Variants in MEIS1 observed in about 807,000 individuals in gnomAD.
The protein encoded by MEIS1 is Meis homeobox 1.
Under a neutral mutation model 50.8 loss-of-function variants are expected in MEIS1, and 5 were observed. The ratio of observed to expected loss-of-function variants is 0.10; its 90% CI spans 0.05 to 0.21. The LOEUF (loss-of-function observed/expected upper bound fraction) is 0.21. Among genes scored for constraint, MEIS1 ranks in the 10% least tolerant of loss-of-function variants. The pLI is 1.00. For missense variants in MEIS1, 318 were observed against 517.3 expected (o/e 0.61, Z 3.74); for synonymous variants, 176 against 179.3 (o/e 0.98, Z 0.15).
chr2:66,499,458 G>C (rs1246429841), intron 7 of MEIS1, among the ~76,000 whole-genome samples: 1 of 151,878 alleles, frequency 6.6e-6, no homozygotes, highest in Non-Finnish European at 1.5e-5. Flanking sequence ...TCTATCATTA[G>C]CTCTCAGGCT....
At chr2:66,523,240 A>G (rs181633812) in intron 8 of MEIS1, among the ~76,000 whole-genome samples, 2 of 152,364 alleles carry the variant, frequency 1.3e-5, no homozygotes, top group East Asian at 1.9e-4. Flanking sequence ...AGAAAAATCA[A>G]TAGGCCAGCA....
chr2:66,567,431 T>C, intron 9 of MEIS1, 22 bp from the exon 10 acceptor site: 1 of 1,612,076 alleles, frequency 6.2e-7, no homozygotes, highest in Non-Finnish European at 8.5e-7. Flanking sequence ...AATAACGATT[T>C]GTTTCACTTT....
intron 7 of MEIS1, among the ~76,000 whole-genome samples, chr2:66,473,397 A>AAAAAAATATATATATATATATAT: frequency 9.3e-6 from 1 of 107,612 alleles, no homozygotes; most frequent in African/African-American, 5.8e-5. Context: ...AAAAAAAAAA[A>AAAAAAATATATATATATATATAT]ATATATATAT....
chr2:66,482,742 C>G (rs1673047622), intron 7 of MEIS1, among the ~76,000 whole-genome samples: 1 of 152,192 alleles, frequency 6.6e-6, no homozygotes, highest in African/African-American at 2.4e-5. Context: ...GTTTGTTTCT[C>G]CCTTTACCCC....
At position 66,439,398 on chromosome 2, in the gene MEIS1, T is replaced by A. The variant is rs1283522907; in HGVS notation, c.240-445T>A. 4.0e-6 allele frequency: 5 copies of A among 1,254,734 alleles called. No individual in the cohort carries two copies. In the East Asian group the frequency reaches 1.6e-4, roughly 39 times the overall value. 77.7% of individuals were successfully genotyped at this position (1,254,734 alleles called of 1,614,324 possible). ...GCCTGCCACCGAGATCCCCCGAGCC[T>A]GGGCTTCGCGCGGCCGCCTAGGAGG... On this transcript the variant is annotated intron_variant, in intron 2 of 12. Transcript: ENST00000272369.
chr2:66,460,823 T>C (rs148032781), intron 6 of MEIS1, among the ~76,000 whole-genome samples: 1 of 152,284 alleles, frequency 6.6e-6, no homozygotes, highest in Non-Finnish European at 1.5e-5. Context: ...TTCTCAAATT[T>C]TGAGAGCACT....
intron 8 of MEIS1, among the ~76,000 whole-genome samples, chr2:66,526,917 A>C (rs1674265446): frequency 6.6e-6 from 1 of 152,124 alleles, no homozygotes; most frequent in Non-Finnish European, 1.5e-5. Context: ...CCTTGAAGTG[A>C]AAACATCATC....
chr2:66,546,382 A>G (rs540301075), intron 8 of MEIS1, among the ~76,000 whole-genome samples: 2 of 152,178 alleles, frequency 1.3e-5, no homozygotes, highest in African/African-American at 4.8e-5. Context: ...GCAAGGCTGG[A>G]TGGTGACAGG....
intron 9 of MEIS1, among the ~76,000 whole-genome samples, chr2:66,561,583 C>T (rs920002052): frequency 4.6e-5 from 7 of 152,126 alleles, no homozygotes; most frequent in South Asian, 2.1e-4. Context: ...ATATTCCTAA[C>T]GCTAGCTAAA....
intron 8 of MEIS1, among the ~76,000 whole-genome samples, chr2:66,531,252 G>A (rs1004866607): frequency 6.6e-6 from 1 of 152,140 alleles, no homozygotes; most frequent in Non-Finnish European, 1.5e-5. Context: ...TGGTTTGATG[G>A]TAAATGATAT....
At position 66,440,531 on chromosome 2, in the gene MEIS1, C is replaced by T. The variant is rs1382225674; in HGVS notation, c.382-31C>T. 2.5e-6 allele frequency: 4 copies of T among 1,592,124 alleles called. No individual in the cohort carries two copies. The South Asian group carries it at 4.5e-5, about 18-fold the overall frequency. On this transcript the variant is annotated intron_variant, in intron 3 of 12. Transcript: ENST00000272369. The stretch of plus-strand genomic sequence containing the variant: ...TTTTCTTTCTTTTTTCTCTCCCCTC[C>T]CTCTCCCCTCTCCTTCTCACTTGTA...
At chr2:66,491,794 C>T (rs529245960) in intron 7 of MEIS1, among the ~76,000 whole-genome samples, 6 of 152,070 alleles carry the variant, frequency 3.9e-5, no homozygotes, top group Admixed American at 3.3e-4. Context: ...GGGCTTCGTA[C>T]ACTCCCTTAA....
chr2:66,489,967 C>G (rs1673233844), intron 7 of MEIS1, among the ~76,000 whole-genome samples: 1 of 152,132 alleles, frequency 6.6e-6, no homozygotes. Context: ...AAATATTGAT[C>G]TCTTTCAGAG....
At chr2:66,440,329 C>G (rs929603189) in intron 3 of MEIS1, 86 of 601,548 alleles carry the variant, frequency 1.4e-4, no homozygotes, top group African/African-American at 1.4e-3. Context: ...CCCCGAGAGC[C>G]GTAGTTGCTA....
intron 7 of MEIS1, among the ~76,000 whole-genome samples, chr2:66,507,399 T>A (rs2103843272): frequency 6.6e-6 from 1 of 152,314 alleles, no homozygotes; most frequent in South Asian, 2.1e-4. Context: ...GCTTCCAGCT[T>A]GGCTTCTAGA....
intron 7 of MEIS1, among the ~76,000 whole-genome samples, chr2:66,465,470 T>C (rs1672611622): frequency 6.6e-6 from 1 of 152,192 alleles, no homozygotes; most frequent in Non-Finnish European, 1.5e-5. Context: ...TGTATGTATG[T>C]GTTATGGCGT....
In MEIS1 at chr2:66,478,782, C is replaced by A. The variant is rs1228361287; in HGVS notation, c.742+14562C>A. Among the ~76,000 whole-genome samples the A allele has an allele frequency of 1.3e-5, 2 of 152,168 alleles. 1 individual carries two copies. Among genetic ancestry groups the A allele is most frequent in the African/African-American group, 4.8e-5 (2 of 41,442 alleles). On this transcript the variant is annotated intron_variant, in intron 7 of 12. Coordinates refer to ENST00000272369, the MANE Select transcript of MEIS1 (RefSeq NM_002398.3). ...AGAGAAAGGCAACTGGGCTCAGGAACCTGGCTGGCATAGTAAAGGACATGG... is the reference window on the plus strand; with the variant it reads ...AGAGAAAGGCAACTGGGCTCAGGAAACTGGCTGGCATAGTAAAGGACATGG...
At chr2:66,472,170 A>T (rs1672776701) in intron 7 of MEIS1, among the ~76,000 whole-genome samples, 1 of 152,214 alleles carries the variant, frequency 6.6e-6, no homozygotes, top group Admixed American at 6.5e-5. Context: ...CACAGCTCAA[A>T]CATGTGTTTC....
At chr2:66,459,238 AGAG>A (rs1672465524) in intron 6 of MEIS1, among the ~76,000 whole-genome samples, 1 of 152,212 alleles carries the variant, frequency 6.6e-6, no homozygotes, top group South Asian at 2.1e-4. Context: ...CACTGCAGGC[AGAG>A]GAGAAGGATG....
Sources: gnomAD v4.1 joint callset for allele counts (sites outside exome capture counted in the v4.1 genomes callset) on GRCh38, gnomAD v4.1.1 for gene constraint, MANE v1.5 for transcripts, NCBI Gene and HGNC (gene_info 2026-07-23, HGNC 2026-07-21) for gene names.